The following MAML3 variants were observed in gnomAD, a reference collection of about 807,000 sequenced individuals.
MAML3 encodes the protein mastermind-like protein 3.
Under a neutral mutation model 101.9 loss-of-function variants are expected in MAML3, and 27 were observed. The observed-to-expected ratio is 0.27, with a 90% confidence interval of 0.20 to 0.37. The LOEUF is 0.37. Among genes scored for constraint, MAML3 ranks in the 10% least tolerant of loss-of-function variants. The pLI is 1.00. For missense variants in MAML3, 1,316 were observed against 1,444.9 expected (o/e 0.91, Z 1.45); for synonymous variants, 501 against 555.9 (o/e 0.90, Z 1.39).
At chr4:140,073,242 A>G (rs1307112356) in intron 1 of MAML3, among the ~76,000 whole-genome samples, 2 of 152,046 alleles carry the variant, frequency 1.3e-5, no homozygotes, top group East Asian at 3.9e-4. Context: ...GGTTCAAGCA[A>G]TTCTCGTGCC....
At chr4:139,820,183 A>G (rs1351713360) in intron 2 of MAML3, among the ~76,000 whole-genome samples, 1 of 152,242 alleles carries the variant, frequency 6.6e-6, no homozygotes, top group Non-Finnish European at 1.5e-5. Context: ...ATATCATGGT[A>G]GTGAAGCAAC....
chr4:139,892,773 T>A (rs539988056), intron 1 of MAML3, among the ~76,000 whole-genome samples: 2 of 151,562 alleles, frequency 1.3e-5, no homozygotes, highest in South Asian at 4.2e-4. Flanking sequence ...AAAAAAAAAA[T>A]TCAAAAAATT....
At chr4:140,101,854 T>C (rs531299048) in intron 1 of MAML3, among the ~76,000 whole-genome samples, 1 of 151,930 alleles carries the variant, frequency 6.6e-6, no homozygotes, top group Non-Finnish European at 1.5e-5. Context: ...CTGAGCATTT[T>C]TTTTTTTTTT....
chr4:140,098,290 T>C (rs764775989), intron 1 of MAML3, among the ~76,000 whole-genome samples: 6 of 152,214 alleles, frequency 3.9e-5, no homozygotes, highest in Non-Finnish European at 8.8e-5. Flanking sequence ...CGCACGTCCT[T>C]GGGCAAATTA....
At chr4:139,798,070 A>G (rs1247030987) in intron 2 of MAML3, among the ~76,000 whole-genome samples, 1 of 150,350 alleles carries the variant, frequency 6.7e-6, no homozygotes, top group Admixed American at 6.6e-5. Context: ...GAAAGAAAGA[A>G]AGAAAGAAAG....
At position 140,067,424 on chromosome 4, in the gene MAML3, C is replaced by T. The variant is rs1317208949; in HGVS notation, c.468+85436G>A. On this transcript the variant is annotated intron_variant, in intron 1 of 4. Coordinates refer to ENST00000509479, the MANE Select transcript of MAML3 (RefSeq NM_018717.5). The stretch of plus-strand genomic sequence containing the variant: ...TAGCCAACAAGGTTAGGGAGGGAGA[C>T]AGCATACGTATTATTTACAATAAAA... Among the ~76,000 whole-genome samples the T allele has an allele frequency of 3.9e-5, 6 of 152,238 alleles. No individual in the cohort carries two copies. The East Asian group carries it at 7.7e-4, about 20-fold the overall frequency.
At chr4:140,004,856 A>G (rs1726421290) in intron 1 of MAML3, among the ~76,000 whole-genome samples, 1 of 151,274 alleles carries the variant, frequency 6.6e-6, no homozygotes, top group African/African-American at 2.4e-5. Flanking sequence ...TTTTTTTTTT[A>G]ACATAAGAAA....
chr4:139,822,429 C>T lies in MAML3; in HGVS notation c.2079+66928G>A, dbSNP rs1384190517. Among the ~76,000 whole-genome samples, 8 of 152,262 alleles carry T rather than the reference C, an allele frequency of 5.3e-5. No homozygotes were observed. The East Asian group carries it at 5.8e-4, about 11-fold the overall frequency. ...TCTGGGTATCAGGCCTCCTGAAATC[C>T]GCACTGTACCCCTCTGGGCAACAGG... On this transcript the variant is annotated intron_variant, in intron 2 of 4. Transcript: ENST00000509479.
intron 4 of MAML3, among the ~76,000 whole-genome samples, chr4:139,722,536 C>T (rs1417144172): frequency 1.3e-5 from 2 of 152,162 alleles, no homozygotes; most frequent in East Asian, 3.9e-4. Context: ...TGCTGGTTAA[C>T]ATCACAATGT....
intron 1 of MAML3, among the ~76,000 whole-genome samples, chr4:139,895,004 G>A (rs1349953319): frequency 6.6e-6 from 1 of 152,214 alleles, no homozygotes; most frequent in Non-Finnish European, 1.5e-5. Context: ...CCAAGTCCAT[G>A]ACTCTGTTCC....
At chr4:139,959,327 C>T (rs956407996) in intron 1 of MAML3, among the ~76,000 whole-genome samples, 2 of 152,132 alleles carry the variant, frequency 1.3e-5, no homozygotes, top group South Asian at 4.1e-4. Context: ...CTTTCCTAAC[C>T]GTCTTGATTC....
At chr4:139,920,466 A>G (rs1416416279) in intron 1 of MAML3, among the ~76,000 whole-genome samples, 4 of 152,250 alleles carry the variant, frequency 2.6e-5, no homozygotes, top group Non-Finnish European at 5.9e-5. Context: ...CCACAGAAAG[A>G]ACATTCTAAG....
intron 1 of MAML3, among the ~76,000 whole-genome samples, chr4:140,112,153 AATT>A (rs149662407): frequency 0.095 from 14,398 of 152,030 alleles, 756 homozygotes; most frequent in East Asian, 0.25. Context: ...TGGATTTATA[AATT>A]ATTATTTTAT....
chr4:140,119,065 AG>A lies in MAML3; in HGVS notation c.468+33794del, dbSNP rs531486493. ...GCTTCAATACATACATTAACAGGCA[AG>A]GGGTATGGTGGCATTCCCCAGAGAA... On this transcript the variant is annotated intron_variant, in intron 1 of 4. Coordinates refer to ENST00000509479, the MANE Select transcript of MAML3 (RefSeq NM_018717.5). Among the ~76,000 whole-genome samples the A allele has an allele frequency of 2.1e-3, 319 of 152,316 alleles. 2 individuals carry two copies. Among genetic ancestry groups the A allele is most frequent in the African/African-American group, 7.4e-3 (309 of 41,568 alleles).
chr4:139,788,711 T>A (rs1730349421), intron 2 of MAML3, among the ~76,000 whole-genome samples: 1 of 152,252 alleles, frequency 6.6e-6, no homozygotes, highest in African/African-American at 2.4e-5. Flanking sequence ...TGAATAGCTT[T>A]TCTTAGAAAT....
intron 1 of MAML3, among the ~76,000 whole-genome samples, chr4:139,982,303 T>C (rs1734458584): frequency 6.6e-6 from 1 of 152,224 alleles, no homozygotes; most frequent in Admixed American, 6.5e-5. Flanking sequence ...CGTGCCCTTT[T>C]GACATACCCC....
intron 1 of MAML3, among the ~76,000 whole-genome samples, chr4:139,971,453 A>G (rs1734234221): frequency 6.6e-6 from 1 of 152,228 alleles, no homozygotes; most frequent in African/African-American, 2.4e-5. Flanking sequence ...AGAACCTTAG[A>G]GAATAAACCC....
intron 1 of MAML3, among the ~76,000 whole-genome samples, chr4:140,079,936 C>T (rs535992159): frequency 3.3e-4 from 51 of 152,288 alleles, no homozygotes; most frequent in Admixed American, 2.2e-3. Context: ...TACAAACTTA[C>T]TCTCTAAAAT....
At chr4:139,864,937 T>TTTTG (rs1731867902) in intron 2 of MAML3, among the ~76,000 whole-genome samples, 1 of 143,746 alleles carries the variant, frequency 7.0e-6, no homozygotes. Flanking sequence ...TTTTTTTTTT[T>TTTTG]TTTTTTTTTT....
Sources: allele counts gnomAD v4.1 joint callset (sites outside exome capture counted in the v4.1 genomes callset), GRCh38; gene constraint gnomAD v4.1.1; transcripts MANE v1.5; gene names NCBI Gene and HGNC (gene_info 2026-07-23, HGNC 2026-07-21).